The following HDAC7 variants were observed in gnomAD, a reference collection of about 807,000 sequenced individuals.
HDAC7 encodes histone deacetylase 7.
Under a neutral mutation model 115.5 loss-of-function variants are expected in HDAC7, and 26 were observed. The ratio of observed to expected loss-of-function variants is 0.23; its 90% confidence interval spans 0.16 to 0.31. The LOEUF is 0.31. Among genes scored for constraint, HDAC7 ranks in the 10% least tolerant of loss-of-function variants. HDAC7 has a pLI of 1.00. For synonymous variants in HDAC7, 564 were observed against 550.9 expected, an observed-to-expected ratio of 1.02 and a Z score of -0.33; for missense variants, 1,068 against 1,329.0, an observed-to-expected ratio of 0.80 and a Z score of 3.05.
chr12:47,811,434 A>C (rs1242329286), intron 1 of HDAC7, among the ~76,000 whole-genome samples: 1 of 152,258 alleles, frequency 6.6e-6, no homozygotes, highest in African/African-American at 2.4e-5. Context: ...AATTCCGTTA[A>C]GATGAAAATT....
rs983452913 is a variant in HDAC7 at position 47,816,994 on chromosome 12, C to G, written c.19+2773G>C. On this transcript the variant is annotated intron_variant, in intron 1 of 25. Transcript: ENST00000080059. ...AAAAGGGTTAGGGAGGTGGCTAGAT[C>G]TGGGGACTCCTCCTAATACTCAGGC... Among the ~76,000 whole-genome samples, 3 of 152,242 alleles carry G rather than the reference C, an allele frequency of 2.0e-5. No homozygotes were observed. The East Asian group carries it at 5.8e-4, about 29-fold the overall frequency.
At chr12:47,818,001 T>A (rs1944896284) in intron 1 of HDAC7, 2 of 152,244 alleles carry the variant, frequency 1.3e-5, no homozygotes, top group African/African-American at 2.4e-5. Context: ...AATAGCACAG[T>A]ACCTTCATTC....
upstream of HDAC7, among the ~76,000 whole-genome samples, chr12:47,820,785 G>T (rs945737806): frequency 1.3e-5 from 2 of 150,438 alleles, no homozygotes; most frequent in Non-Finnish European, 3.0e-5. The surrounding 1 kb of genome is among the most constrained non-coding windows in gnomAD (Gnocchi z 4.3). Context: ...GTGTCCCCCA[G>T]TGCATTACAG....
chr12:47,791,256 T>G lies in HDAC7; in HGVS notation c.1983+3A>C. 6.3e-7 allele frequency: 1 copy of G among 1,599,024 alleles called. No individual in the cohort carries two copies. Among genetic ancestry groups the G allele is most frequent in the Non-Finnish European group, 8.5e-7 (1 of 1,173,074 alleles). ...CCCCCCTGAGACCCCTGGGCACACT[T>G]ACCCCAACCCCACCACAGGGCAGCA... On this transcript the variant is annotated splice_donor_region_variant and intron_variant, in intron 16 of 25. Coordinates refer to ENST00000080059, the MANE Select transcript of HDAC7 (RefSeq NM_015401.5).
Position 47,793,097 on chromosome 12 carries a change from G to A in HDAC7, c.1678+272C>T, listed in dbSNP as rs987818837. 1 of 463,222 alleles carries A rather than the reference G, an allele frequency of 2.2e-6. No homozygotes were observed. Among genetic ancestry groups the A allele is most frequent in the African/African-American group, 2.0e-5 (1 of 50,348 alleles). The allele number at this position is 463,222 out of a possible 1,614,324, so 28.7% of individuals were successfully genotyped here. On this transcript the variant is annotated intron_variant, in intron 13 of 25. Transcript: ENST00000080059. The surrounding 1 kb of genome is among the most constrained non-coding windows in gnomAD (Gnocchi z 4.5). ...ATAAATATCATTTTTTAAAAGGGCT[G>A]AGTGCATTGGCAGGAGACTGGAATT... is the stretch of plus-strand genomic sequence containing the variant.
chr12:47,796,369 G>A, intron 7 of HDAC7, 71 bp from the exon 8 acceptor site: 1 of 1,117,794 alleles, frequency 8.9e-7, no homozygotes, highest in African/African-American at 1.6e-5. Flanking sequence ...CAGGCCGCCT[G>A]GTGCAGGAGA....
rs199748012 is a variant in HDAC7 at position 47,784,987 on chromosome 12, GT to G, written c.2791+399del. On this transcript the variant is annotated intron_variant, in intron 24 of 25. Transcript: ENST00000080059. ...TTTAAAGTACTTTACAAATGTGGGG[GT>G]TATCCCAAGACGCAGCCCCCAAGCC... 741 of 594,950 alleles carry G rather than the reference GT, an allele frequency of 1.2e-3. 10 individuals are homozygous for G. The East Asian group carries it at 0.02, about 16-fold the overall frequency. The allele number at this position is 594,950 out of a possible 1,614,324, so 36.9% of individuals were successfully genotyped here.
intron 7 of HDAC7, 93 bp downstream of exon 7, chr12:47,796,924 G>A: frequency 7.0e-7 from 1 of 1,418,450 alleles, no homozygotes; most frequent in East Asian, 2.5e-5. Context: ...GCAGTCCTAA[G>A]GAGGGGACCC....
chr12:47,814,558 A>T (rs568499951), intron 1 of HDAC7, among the ~76,000 whole-genome samples: 34 of 152,194 alleles, frequency 2.2e-4, no homozygotes, highest in Non-Finnish European at 4.9e-4. Flanking sequence ...TGGAAGAAAA[A>T]GGGTGCTCCC....
In HDAC7 at chr12:47,793,351, C is replaced by T. The variant is rs775326526; in HGVS notation, c.1678+18G>A. The T allele has an allele frequency of 2.7e-6, 4 of 1,470,836 alleles. No homozygotes were observed. The South Asian group carries it at 5.2e-5, about 19-fold the overall frequency. 91.1% of individuals were successfully genotyped at this position (1,470,836 alleles called of 1,614,324 possible). A position where few individuals can be genotyped will look rare whatever the true frequency, so the allele number is the denominator to read the frequency against. ...GCCGAGCCCCTCCCTCCACCCGCCA[C>T]CCTCCTCCCGGTCTCACCTGTGGTG... On this transcript the variant is annotated intron_variant, in intron 13 of 25. Transcript: ENST00000080059. The surrounding 1 kb of genome is among the most constrained non-coding windows in gnomAD (Gnocchi z 4.5).
rs984649246 is a variant in HDAC7, at chr12:47,788,309, G to A, written c.2236-145C>T. On this transcript the variant is annotated intron_variant, in intron 19 of 25. Coordinates refer to ENST00000080059, the MANE Select transcript of HDAC7 (RefSeq NM_015401.5). ...CTGGGGTTCCTAAAGCCACACGGTC[G>A]AGTGGCCCCACGTAATCCACTGCCC... 75 of 981,440 alleles carry A rather than the reference G, an allele frequency of 7.6e-5. 1 individual carries two copies. In the East Asian group the frequency reaches 1.7e-3, roughly 22 times the overall value. 60.8% of individuals were successfully genotyped at this position (981,440 alleles called of 1,614,324 possible). A position where few individuals can be genotyped will look rare whatever the true frequency, so the allele number is the denominator to read the frequency against.
intron 1 of HDAC7, among the ~76,000 whole-genome samples, chr12:47,804,530 A>C (rs1374322734): frequency 6.6e-6 from 1 of 151,928 alleles, no homozygotes; most frequent in East Asian, 1.9e-4. Flanking sequence ...GCCTGAAAAA[A>C]AAAAAAAAAA....
rs945558951 is a variant in HDAC7, at chr12:47,783,781, A to G, written c.*60T>C. 18 of 1,547,324 alleles carry G rather than the reference A, an allele frequency of 1.2e-5. No individual in the cohort carries two copies. The highest frequency in any genetic ancestry group is 1.8e-5 in the Admixed American group (1 of 54,786). On this transcript the variant is annotated 3_prime_UTR_variant, in exon 26 of 26. Coordinates refer to ENST00000080059, the MANE Select transcript of HDAC7 (RefSeq NM_015401.5). ...AGACCCAGGAATGGGGGCTATTGCC[A>G]GGGGTTAGAAGAGAACCAGGTCCCA...
In HDAC7 at chr12:47,791,940, C is replaced by T. The variant is rs961087330; in HGVS notation, c.1743G>A (p.Pro581=). 101 of 1,610,750 alleles carry T rather than the reference C, an allele frequency of 6.3e-5. No homozygotes were observed. The highest frequency in any genetic ancestry group is 8.1e-5 in the Non-Finnish European group (96 of 1,179,202). Residue 581 remains proline, a synonymous_variant, in exon 14 of 26, where the codon CCG becomes CCA. Transcript: ENST00000080059. ...TGCTCTGGATGCGGCCGGCGTGCTC[C>T]GGGTGCCTGCTGTTGTCACCGCAGG... ...QCSCGDNSRH[P]EHAGRIQSIW...
intron 1 of HDAC7, among the ~76,000 whole-genome samples, chr12:47,806,219 G>A (rs1466679158): frequency 6.6e-6 from 1 of 152,252 alleles, no homozygotes; most frequent in East Asian, 1.9e-4. Flanking sequence ...AAGTCTGGCA[G>A]GCCACAAACT....
intron 24 of HDAC7, chr12:47,784,650 A>G (rs1312362717): frequency 7.7e-6 from 11 of 1,427,662 alleles, no homozygotes; most frequent in Non-Finnish European, 1.0e-5. Context: ...CACTCAGGAA[A>G]GGAGGGCCTG....
chr12:47,797,487 G>C lies in HDAC7; in HGVS notation c.474C>G (p.Pro158=). 1 of 1,611,824 alleles carries C rather than the reference G, an allele frequency of 6.2e-7. No individual in the cohort carries two copies. The highest frequency in any genetic ancestry group is 8.5e-7 in the Non-Finnish European group (1 of 1,178,692). ...AGCGGGTGGCTCCTTCCGTCTCCAG[G>C]GGCTCCAGGGTTCTACAGAACGAGT... ...SPGIPYRTLE[P]LETEGATRSM... The change falls in exon 6 of 26, where the codon CCC becomes CCG. Residue 158 remains proline, a synonymous_variant. Coordinates refer to ENST00000080059, the MANE Select transcript of HDAC7 (RefSeq NM_015401.5). The surrounding 1 kb of genome is among the most constrained non-coding windows in gnomAD (Gnocchi z 5.5).
rs1437393439 is a variant in HDAC7, at chr12:47,798,478, C to T, written c.349+84G>A. The T allele has an allele frequency of 8.5e-6, 11 of 1,288,066 alleles. No homozygotes were observed. The Admixed American group carries it at 8.6e-5, about 10-fold the overall frequency. 79.8% of individuals were successfully genotyped at this position (1,288,066 alleles called of 1,614,324 possible). On this transcript the variant is annotated intron_variant, in intron 4 of 25. Coordinates refer to ENST00000080059, the MANE Select transcript of HDAC7 (RefSeq NM_015401.5). The surrounding 1 kb of genome is among the most constrained non-coding windows in gnomAD (Gnocchi z 4.3). ...CAGGCCCAGCTGGCTGCGGCCCTCC[C>T]ACCTCACCCCTCACAAGCCACACAG...
At chr12:47,792,228 C>G in intron 13 of HDAC7, 1 of 567,688 alleles carries the variant, frequency 1.8e-6, no homozygotes, top group Non-Finnish European at 3.1e-6. Context: ...TGGCAGCAGC[C>G]AACACATCAA....
Sources: gnomAD v4.1 joint callset for allele counts (sites outside exome capture counted in the v4.1 genomes callset) on GRCh38, gnomAD v4.1.1 for gene constraint, Gnocchi (gnomAD v3.1) non-coding constraint, MANE v1.5 for transcripts, NCBI Gene and HGNC (gene_info 2026-07-23, HGNC 2026-07-21) for gene names.